Variants in SNTG1 observed in about 807,000 individuals in gnomAD.
SNTG1 encodes gamma-1-syntrophin.
A neutral mutation model predicts 74.7 loss-of-function variants in SNTG1; 39 were observed. The observed-to-expected ratio is 0.52, with a 90% confidence interval of 0.40 to 0.68. The LOEUF is 0.68. Ranked by LOEUF, SNTG1 falls within the 30% of genes least tolerant of loss-of-function variation. The probability of loss-of-function intolerance (pLI) is 0.00; values close to 1 mark genes in which losing one functional copy is unlikely to be tolerated. For missense variants in SNTG1, 685 were observed against 609.5 expected, an observed-to-expected ratio of 1.12 and a Z score of -1.30; for synonymous variants, 254 against 217.1, an observed-to-expected ratio of 1.17 and a Z score of -1.49.
rs76224189 is a variant in SNTG1 at position 50,324,565 on chromosome 8, T to C, written c.-27-69647T>C. ...ACTGTGAGCTTCTATTCTGCCCTCT[T>C]GCTCTGCCCCCAAATCTCCTTGTTT... is the stretch of plus-strand genomic sequence containing the variant. On this transcript the variant is annotated intron_variant, in intron 2 of 18. Coordinates refer to ENST00000642720, the MANE Select transcript of SNTG1 (RefSeq NM_018967.5). Among the ~76,000 whole-genome samples, 908 of 152,270 alleles carry C rather than the reference T, an allele frequency of 6.0e-3. 7 individuals carry two copies. The highest frequency in any genetic ancestry group is 0.02 in the African/African-American group (851 of 41,548).
intron 1 of SNTG1, among the ~76,000 whole-genome samples, chr8:50,010,826 A>AGAG (rs1815720361): frequency 7.4e-6 from 1 of 134,862 alleles, no homozygotes; most frequent in Non-Finnish European, 1.5e-5. Flanking sequence ...TGGAGGGGGA[A>AGAG]GAGGAGGAAG....
At chr8:50,420,234 G>T (rs1195433456) in intron 4 of SNTG1, among the ~76,000 whole-genome samples, 1 of 152,068 alleles carries the variant, frequency 6.6e-6, no homozygotes, top group Non-Finnish European at 1.5e-5. Context: ...CACTTCACAA[G>T]CAAATTCTGA....
intron 18 of SNTG1, among the ~76,000 whole-genome samples, chr8:50,781,403 A>T (rs1316050221): frequency 6.6e-6 from 1 of 152,088 alleles, no homozygotes; most frequent in Non-Finnish European, 1.5e-5. Context: ...TTGGGTGCAT[A>T]TATATTTAGG....
At chr8:49,991,816 G>A (rs192922880) in intron 1 of SNTG1, among the ~76,000 whole-genome samples, 1 of 152,226 alleles carries the variant, frequency 6.6e-6, no homozygotes, top group Admixed American at 6.5e-5. Context: ...AGAAGAATGG[G>A]GTGTGAATGC....
intron 1 of SNTG1, among the ~76,000 whole-genome samples, chr8:50,171,297 C>G (rs1381491908): frequency 6.6e-6 from 1 of 152,076 alleles, no homozygotes; most frequent in Non-Finnish European, 1.5e-5. Flanking sequence ...CACAGTGTCC[C>G]ACAATAGGCT....
Position 50,624,314 on chromosome 8 carries a change from GA to G in SNTG1, c.850-32590del, listed in dbSNP as rs562356507. Among the ~76,000 whole-genome samples, 427 of 146,444 alleles carry G rather than the reference GA, an allele frequency of 2.9e-3. 2 individuals carry two copies. The highest frequency in any genetic ancestry group is 3.2e-3 in the Non-Finnish European group (217 of 67,262). The stretch of plus-strand genomic sequence containing the variant: ...ATAATTTAGCTTTTGACCTCTGAAA[GA>G]AAAACAAAAAAAAAAATTATATTTT... On this transcript the variant is annotated intron_variant, in intron 13 of 18. Transcript: ENST00000642720.
At chr8:50,218,918 A>G (rs1008517548) in intron 2 of SNTG1, among the ~76,000 whole-genome samples, 6 of 152,214 alleles carry the variant, frequency 3.9e-5, no homozygotes, top group African/African-American at 1.4e-4. Flanking sequence ...AGCCTCCTTG[A>G]TCCTCCATAG....
At chr8:50,428,199 A>G (rs1358486088) in intron 4 of SNTG1, among the ~76,000 whole-genome samples, 4 of 152,214 alleles carry the variant, frequency 2.6e-5, no homozygotes, top group Non-Finnish European at 5.9e-5. Flanking sequence ...AGTCCTAGAT[A>G]CTGGAGAGGC....
intron 14 of SNTG1, among the ~76,000 whole-genome samples, chr8:50,657,661 C>A (rs117017955): frequency 0.026 from 3,902 of 152,140 alleles, 79 homozygotes; most frequent in Middle Eastern, 0.041. Context: ...AGGATTCTAT[C>A]CTTGGCAAAC....
chr8:50,377,695 C>T (rs2131201852), intron 2 of SNTG1, among the ~76,000 whole-genome samples: 1 of 152,000 alleles, frequency 6.6e-6, no homozygotes, highest in East Asian at 1.9e-4. Flanking sequence ...AGCAAAATCA[C>T]CTAAAGAATT....
chr8:50,729,171 T>C lies in SNTG1; in HGVS notation c.1284+20193T>C, dbSNP rs2095506998. The stretch of plus-strand genomic sequence containing the variant: ...TGGACACCTGGGCTGCCAGCTTGGA[T>C]AGCTTGCTGGTGCCCTGTGGCTTGG... On this transcript the variant is annotated intron_variant, in intron 17 of 18. Transcript: ENST00000642720. Among the ~76,000 whole-genome samples, 5 of 152,278 alleles carry C rather than the reference T, an allele frequency of 3.3e-5. No homozygotes were observed. In the South Asian group the frequency reaches 1.0e-3, roughly 32 times the overall value.
chr8:50,733,965 CTT>C (rs2095519289), intron 17 of SNTG1, among the ~76,000 whole-genome samples: 1 of 151,676 alleles, frequency 6.6e-6, no homozygotes, highest in South Asian at 2.1e-4. Context: ...TAAAAATTCA[CTT>C]ATATAATTCT....
chr8:50,340,466 G>T (rs908175391), intron 2 of SNTG1, among the ~76,000 whole-genome samples: 3 of 151,992 alleles, frequency 2.0e-5, no homozygotes, highest in African/African-American at 7.2e-5. Flanking sequence ...AGACCACAAA[G>T]AAAGGATAAT....
intron 1 of SNTG1, among the ~76,000 whole-genome samples, chr8:50,134,146 G>T (rs2081399301): frequency 1.3e-5 from 2 of 152,126 alleles, no homozygotes; most frequent in South Asian, 2.1e-4. Context: ...ATCAGTGTTG[G>T]TGGTGGTGGG....
intron 15 of SNTG1, among the ~76,000 whole-genome samples, chr8:50,700,402 A>G (rs2095419425): frequency 6.6e-6 from 1 of 152,224 alleles, no homozygotes; most frequent in African/African-American, 2.4e-5. Context: ...GATCTTTAAA[A>G]TGATTGAGCT....
chr8:50,515,940 C>T (rs1383843256), intron 9 of SNTG1, among the ~76,000 whole-genome samples: 1 of 152,152 alleles, frequency 6.6e-6, no homozygotes, highest in Non-Finnish European at 1.5e-5. Context: ...AGAGTGCAAG[C>T]TCTGCTAAGG....
At chr8:50,723,696 G>C (rs1029926408) in intron 17 of SNTG1, among the ~76,000 whole-genome samples, 1 of 152,020 alleles carries the variant, frequency 6.6e-6, no homozygotes, top group African/African-American at 2.4e-5. Context: ...TTAGGACCCA[G>C]GGCTTCAACA....
chr8:50,663,199 C>A (rs561664111), intron 15 of SNTG1, among the ~76,000 whole-genome samples: 1 of 152,184 alleles, frequency 6.6e-6, no homozygotes, highest in Non-Finnish European at 1.5e-5. Context: ...ACAAGGCAAA[C>A]AAGTTTGTTA....
chr8:50,149,712 C>T (rs982420330), intron 1 of SNTG1, among the ~76,000 whole-genome samples: 1 of 152,134 alleles, frequency 6.6e-6, no homozygotes, highest in Admixed American at 6.5e-5. Flanking sequence ...AGATGTGTGG[C>T]ATTATTTCTG....
Sources: allele counts gnomAD v4.1 joint callset (sites outside exome capture counted in the v4.1 genomes callset), GRCh38; gene constraint gnomAD v4.1.1; transcripts MANE v1.5; gene names NCBI Gene and HGNC (gene_info 2026-07-23, HGNC 2026-07-21).